IARS1: variants seen among roughly 807,000 people sequenced by gnomAD.
IARS1 encodes the protein isoleucyl-tRNA synthetase 1.
IARS1 carries 124 observed loss-of-function variants against 168.2 expected under a neutral mutation model. The ratio of observed to expected loss-of-function variants is 0.74; its 90% CI spans 0.64 to 0.86. The LOEUF is 0.86. Ranked by LOEUF, IARS1 falls within the 40% of genes least tolerant of loss-of-function variation. The pLI, the probability that IARS1 is intolerant of heterozygous loss-of-function variation, is 0.00. For synonymous variants in IARS1, 532 were observed against 529.4 expected (o/e 1.00, Z -0.07); for missense variants, 1,452 against 1,515.8 (o/e 0.96, Z 0.70).
At chr9:92,259,929 C>G (rs1206243327) in intron 18 of IARS1, among the ~76,000 whole-genome samples, 1 of 152,170 alleles carries the variant, frequency 6.6e-6, no homozygotes, top group Non-Finnish European at 1.5e-5. Context: ...AACACAGGTC[C>G]TCTTCCTCAA....
At chr9:92,213,926 C>T (rs190337612) in intron 33 of IARS1, among the ~76,000 whole-genome samples, 3 of 152,186 alleles carry the variant, frequency 2.0e-5, no homozygotes, top group Admixed American at 1.3e-4. Context: ...ATTCTCCTGC[C>T]TCAGCCTCCC....
intron 30 of IARS1, among the ~76,000 whole-genome samples, chr9:92,232,797 CAG>C (rs1478601020): frequency 1.3e-5 from 2 of 152,216 alleles, no homozygotes; most frequent in East Asian, 3.9e-4. Flanking sequence ...GAAAAGAAAA[CAG>C]AGAAACAGAG....
rs191584251 is a variant in IARS1, at chr9:92,223,421, G to C, written c.3478C>G (p.Pro1160Ala). 1.2e-6 allele frequency: 2 copies of C among 1,613,838 alleles called. No homozygotes were observed. Among genetic ancestry groups the C allele is most frequent in the African/African-American group, 1.3e-5 (1 of 74,904 alleles). Residue 1160 changes from proline to alanine, a missense_variant, in exon 32 of 34, where the codon CCC becomes GCC. Transcript: ENST00000443024. Reference sequence around the variant, plus strand: ...GTACTAGAACTGTTGATCAGAGAGGGAGCCGATCCTGCAGTCACACAAAGT... The same window carrying C: ...GTACTAGAACTGTTGATCAGAGAGGCAGCCGATCCTGCAGTCACACAAAGT... The part of the protein sequence containing the change: ...KTLCVTAGSA[P>A]SLINSSSTLL...
rs542105095 is a variant in IARS1 at position 92,290,651 on chromosome 9, C to T, written c.-7-1225G>A. ...AGATTTTTCGCTTACATTTAGGCCA[C>T]AAATAATTTTATTTTCGTATATGGT... On this transcript the variant is annotated intron_variant, in intron 1 of 33. Coordinates refer to ENST00000443024, the MANE Select transcript of IARS1 (RefSeq NM_002161.6). Among the ~76,000 whole-genome samples the T allele has an allele frequency of 1.6e-4, 25 of 152,156 alleles. 1 individual carries two copies. Among genetic ancestry groups the T allele is most frequent in the African/African-American group, 5.8e-4 (24 of 41,518 alleles).
chr9:92,279,935 C>T (rs1834298486), intron 7 of IARS1, among the ~76,000 whole-genome samples: 1 of 152,084 alleles, frequency 6.6e-6, no homozygotes, highest in Non-Finnish European at 1.5e-5. Flanking sequence ...GCATAATGTC[C>T]TCCAGGTTCA....
chr9:92,229,388 C>CACACA (rs547012999), intron 30 of IARS1, among the ~76,000 whole-genome samples: 36 of 150,686 alleles, frequency 2.4e-4, no homozygotes, highest in African/African-American at 7.8e-4. Flanking sequence ...CACACACACA[C>CACACA]ATCTCCATCC....
chr9:92,280,917 T>C, intron 6 of IARS1, 24 bp from the exon 7 acceptor site: 2 of 1,574,062 alleles, frequency 1.3e-6, no homozygotes, highest in Non-Finnish European at 1.7e-6. Flanking sequence ...AGGTAAAGTA[T>C]TGTTTTAGAA....
intron 7 of IARS1, 116 bp from the exon 8 acceptor site, chr9:92,278,402 G>C (rs1232238807): frequency 1.4e-6 from 1 of 712,286 alleles, no homozygotes; most frequent in Non-Finnish European, 2.5e-6. Context: ...TGCCTCTACT[G>C]TACCCAGTAC....
In IARS1 at chr9:92,258,922, T is replaced by G. The variant is rs779698618; in HGVS notation, c.1948A>C (p.Lys650Gln). 5 of 1,614,016 alleles carry G rather than the reference T, an allele frequency of 3.1e-6. No individual in the cohort carries two copies. In the South Asian group the frequency reaches 5.5e-5, roughly 18 times the overall value. The change falls in exon 19 of 34, where the codon AAG (lysine) becomes CAG (glutamine). Residue 650 changes from lysine (K) to glutamine (Q), a missense_variant. By Grantham distance (53) the Lys-to-Gln change is moderately conservative. Coordinates refer to ENST00000443024, the MANE Select transcript of IARS1 (RefSeq NM_002161.6). ...FKEEGVRDVL[K>Q]DVLLPWYNAY... is the part of the protein sequence containing the mutation. ...TTGTACCATGGGAGCAGTACATCCT[T>G]AAGGACGTCCCGCACACCCTCTTCT...
In IARS1 at chr9:92,210,651, A is replaced by G. The variant is rs1837596226; in HGVS notation, c.*156T>C. 6 of 583,234 alleles carry G rather than the reference A, an allele frequency of 1.0e-5. No individual in the cohort carries two copies. In the South Asian group the frequency reaches 1.2e-4, roughly 11 times the overall value. The allele number at this position is 583,234 out of a possible 1,614,324, so 36.1% of individuals were successfully genotyped here. A position where few individuals can be genotyped will look rare whatever the true frequency, so the allele number is the denominator to read the frequency against. On this transcript the variant is annotated 3_prime_UTR_variant, in exon 34 of 34. Transcript: ENST00000443024. ...CTGTGAGGTCTCAAGTTACTTGACT[A>G]ATCAATCCCATTTGAATTTCAATCC...
intron 30 of IARS1, among the ~76,000 whole-genome samples, chr9:92,239,756 TTC>T (rs1295003805): frequency 6.6e-6 from 1 of 152,160 alleles, no homozygotes; most frequent in Non-Finnish European, 1.5e-5. Flanking sequence ...CTACTTTGTC[TTC>T]TCTGATACCC....
intron 31 of IARS1, among the ~76,000 whole-genome samples, chr9:92,226,912 G>C (rs551891255): frequency 1.0e-3 from 144 of 142,518 alleles, no homozygotes; most frequent in East Asian, 8.3e-3. Flanking sequence ...ATAAACAAGT[G>C]AACAAAGGTC....
At chr9:92,240,560 C>CTT (rs772795634) in intron 30 of IARS1, 83 of 588,274 alleles carry the variant, frequency 1.4e-4, no homozygotes, top group South Asian at 3.0e-4. Flanking sequence ...ATGCCTGGCC[C>CTT]TTTTTTTTTT....
At chr9:92,277,137 A>C (rs1175009549) in intron 9 of IARS1, among the ~76,000 whole-genome samples, 1 of 152,232 alleles carries the variant, frequency 6.6e-6, no homozygotes, top group African/African-American at 2.4e-5. Flanking sequence ...CTAAAAATCC[A>C]ATCAAATGTA....
intron 13 of IARS1, among the ~76,000 whole-genome samples, chr9:92,269,361 C>G (rs1832712738): frequency 6.6e-6 from 1 of 152,128 alleles, no homozygotes; most frequent in Non-Finnish European, 1.5e-5. Context: ...TCATTTTGTA[C>G]CCAGAGGCTG....
chr9:92,282,922 T>C (rs1834867819), intron 6 of IARS1, among the ~76,000 whole-genome samples: 2 of 151,338 alleles, frequency 1.3e-5, no homozygotes, highest in Admixed American at 1.3e-4. Context: ...TAGCACACTT[T>C]CGGCTCACTG....
intron 20 of IARS1, chr9:92,253,791 C>T (rs1830346570): frequency 4.0e-6 from 2 of 497,606 alleles, no homozygotes; most frequent in African/African-American, 3.8e-5. Context: ...TTACACGGAG[C>T]TGTGCAATTT....
intron 20 of IARS1, among the ~76,000 whole-genome samples, chr9:92,254,783 C>T (rs542033658): frequency 6.6e-6 from 1 of 152,292 alleles, no homozygotes; most frequent in East Asian, 1.9e-4. Context: ...CCCTGTGAGG[C>T]AGGTCCTCTC....
At chr9:92,280,672 G>T in intron 7 of IARS1, 74 bp downstream of exon 7, 4 of 916,740 alleles carry the variant, frequency 4.4e-6, no homozygotes, top group East Asian at 2.7e-5. Context: ...AAAAAGAAAG[G>T]TAAGCTTTCA....
Sources: gnomAD v4.1 joint callset for allele counts (sites outside exome capture counted in the v4.1 genomes callset) on GRCh38, gnomAD v4.1.1 for gene constraint, MANE v1.5 for transcripts, NCBI Gene and HGNC (gene_info 2026-07-23, HGNC 2026-07-21) for gene names.